Variants in NTRK3 observed in about 807,000 individuals in gnomAD.
NTRK3 encodes neurotrophic receptor tyrosine kinase 3.
A neutral mutation model predicts 91.7 loss-of-function variants in NTRK3; 24 were observed. The observed-to-expected ratio is 0.26, with a 90% confidence interval of 0.19 to 0.37. NTRK3 has a LOEUF of 0.37. Ranked by LOEUF, NTRK3 falls within the 10% of genes least tolerant of loss-of-function variation. The probability of loss-of-function intolerance (pLI) is 1.00; values close to 1 mark genes in which losing one functional copy is unlikely to be tolerated. For missense variants in NTRK3, 880 were observed against 1,068.9 expected (o/e 0.82, Z 2.46); for synonymous variants, 483 against 404.0 (o/e 1.20, Z -2.34).
Position 87,915,417 on chromosome 15 carries a change from A to G in NTRK3, c.2133+13774T>C, listed in dbSNP as rs140065952. 8.8e-4 allele frequency among the ~76,000 whole-genome samples: 134 copies of G among 152,350 alleles called. 1 individual carries two copies. The highest frequency in any genetic ancestry group is 1.1e-3 in the Non-Finnish European group (72 of 68,038). On this transcript the variant is annotated intron_variant, in intron 17 of 18. Transcript: ENST00000394480. ...AATTCTGAAGACCTTTGTCTACTGC[A>G]GAATTCATGGTCCACAGTTACAAAA...
At chr15:87,931,352 G>C (rs1040992523) in intron 16 of NTRK3, 2 of 388,362 alleles carry the variant, frequency 5.1e-6, no homozygotes, top group South Asian at 3.8e-5. Context: ...GCCTAGATTA[G>C]AAGCTACCAT....
chr15:88,153,338 G>A (rs1174838691), intron 5 of NTRK3, among the ~76,000 whole-genome samples: 2 of 152,118 alleles, frequency 1.3e-5, no homozygotes, highest in Non-Finnish European at 1.5e-5. Context: ...CGCCTCCCGG[G>A]TTGAAGCGAT....
intron 14 of NTRK3, among the ~76,000 whole-genome samples, chr15:87,948,331 T>C (rs2070770239): frequency 6.6e-6 from 1 of 152,220 alleles, no homozygotes; most frequent in Non-Finnish European, 1.5e-5. Context: ...AGAAGACATT[T>C]TGAAGGCTGG....
intron 3 of NTRK3, among the ~76,000 whole-genome samples, chr15:88,251,268 C>T (rs915256016): frequency 6.6e-6 from 1 of 152,230 alleles, no homozygotes; most frequent in Non-Finnish European, 1.5e-5. Flanking sequence ...TCACTGCCAT[C>T]CCCAGGAGAT....
intron 1 of NTRK3, 49 bp downstream of exon 1, chr15:88,256,595 C>T: frequency 2.1e-6 from 1 of 479,114 alleles, no homozygotes; most frequent in Non-Finnish European, 3.6e-6. Flanking sequence ...AAAACGGACA[C>T]ACCACGCACC....
intron 13 of NTRK3, among the ~76,000 whole-genome samples, chr15:88,106,026 T>A (rs1190974265): frequency 6.6e-6 from 1 of 152,252 alleles, no homozygotes; most frequent in African/African-American, 2.4e-5. Flanking sequence ...TTGCACTCTG[T>A]GAGCATTTGT....
chr15:87,885,719 C>A (rs1331800469), intron 17 of NTRK3: 1 of 1,373,736 alleles, frequency 7.3e-7, no homozygotes, highest in Non-Finnish European at 9.7e-7. Context: ...AAAATCATTT[C>A]CAGATGGATT....
At chr15:88,135,993 C>T (rs774240394) in exon 9 of NTRK3, 4 of 1,614,268 alleles carry the variant, frequency 2.5e-6, no homozygotes, top group Non-Finnish European at 3.4e-6. Context: ...TCGTCACATT[C>T]ACCAGCGTCA....
At chr15:87,937,945 A>G (rs976632726) in intron 15 of NTRK3, among the ~76,000 whole-genome samples, 3 of 151,884 alleles carry the variant, frequency 2.0e-5, no homozygotes, top group South Asian at 2.1e-4. Context: ...TTCACCCGGG[A>G]CAGAGTATGA....
intron 14 of NTRK3, among the ~76,000 whole-genome samples, chr15:88,020,418 T>C (rs2077519513): frequency 6.6e-6 from 1 of 152,168 alleles, no homozygotes; most frequent in Admixed American, 6.5e-5. Context: ...AAAATGCTGC[T>C]TCTTAGAGTT....
exon 19 of NTRK3, chr15:87,872,773 T>G (rs999559425): frequency 8.6e-6 from 2 of 232,936 alleles, no homozygotes; most frequent in Non-Finnish European, 1.7e-5. Flanking sequence ...TTTCTTCGTC[T>G]CCTTCCTTAT....
At chr15:88,183,561 C>A in intron 4 of NTRK3, 72 bp from the exon 5 acceptor site, 1 of 1,430,634 alleles carries the variant, frequency 7.0e-7, no homozygotes, top group South Asian at 1.1e-5. Flanking sequence ...CTGAGGCTGG[C>A]AGGGGGTGAG....
chr15:88,252,498 C>G (rs1016380485), intron 3 of NTRK3: 7 of 152,328 alleles, frequency 4.6e-5, no homozygotes, highest in African/African-American at 1.7e-4. Flanking sequence ...TCTTTGCAAG[C>G]CGAGGTAGCC....
chr15:88,230,613 A>G (rs1453038758), intron 3 of NTRK3, among the ~76,000 whole-genome samples: 1 of 152,210 alleles, frequency 6.6e-6, no homozygotes, highest in Non-Finnish European at 1.5e-5. Context: ...ATAATCATGT[A>G]CCAACCAATC....
At chr15:87,896,473 G>GAAA (rs377592642) in intron 17 of NTRK3, among the ~76,000 whole-genome samples, 8 of 92,592 alleles carry the variant, frequency 8.6e-5, no homozygotes, top group African/African-American at 2.5e-4. Flanking sequence ...CTGTCTCAAA[G>GAAA]AAAAAAAAAA....
intron 3 of NTRK3, among the ~76,000 whole-genome samples, chr15:88,190,306 GT>G (rs2047285646): frequency 6.6e-6 from 1 of 152,146 alleles, no homozygotes; most frequent in Non-Finnish European, 1.5e-5. Context: ...CCTGCTGGAT[GT>G]TTCTTTTTTC....
intron 3 of NTRK3, among the ~76,000 whole-genome samples, chr15:88,204,780 A>G (rs1269397598): frequency 6.6e-6 from 1 of 152,212 alleles, no homozygotes; most frequent in African/African-American, 2.4e-5. Flanking sequence ...TCACTGGACA[A>G]ATATTCACTG....
At chr15:87,880,526 T>C in intron 17 of NTRK3, 98 bp from the exon 19 acceptor site, 1 of 1,340,182 alleles carries the variant, frequency 7.5e-7, no homozygotes, top group Non-Finnish European at 1.0e-6. Flanking sequence ...TCTTGATGCA[T>C]CCTATTCTAA....
intron 3 of NTRK3, among the ~76,000 whole-genome samples, chr15:88,208,239 C>T (rs2048956323): frequency 6.6e-6 from 1 of 152,032 alleles, no homozygotes; most frequent in Admixed American, 6.5e-5. Context: ...CATTTCTTCC[C>T]TCCCACATCC....
Sources: allele counts gnomAD v4.1 joint callset (sites outside exome capture counted in the v4.1 genomes callset), GRCh38; gene constraint gnomAD v4.1.1; transcripts MANE v1.5; gene names NCBI Gene and HGNC (gene_info 2026-07-23, HGNC 2026-07-21).